Variants in LARS2 observed in about 807,000 individuals in gnomAD.
LARS2 encodes the protein leucine--tRNA ligase, mitochondrial.
Under a neutral mutation model 116.6 loss-of-function variants are expected in LARS2, and 81 were observed. That is an observed-to-expected ratio of 0.69 (90% CI 0.58 to 0.84). The LOEUF (loss-of-function observed/expected upper bound fraction) is 0.84, where lower values mean the gene tolerates loss of function less well. LARS2 is among the 40% of genes least tolerant of loss of function. The probability of loss-of-function intolerance (pLI) is 0.00; values close to 1 mark genes in which losing one functional copy is unlikely to be tolerated. For synonymous variants in LARS2, 396 were observed against 407.2 expected, an observed-to-expected ratio of 0.97 and a Z score of 0.33; for missense variants, 968 against 1,114.5, an observed-to-expected ratio of 0.87 and a Z score of 1.87.
At chr3:45,424,286 T>A (rs907868553) in intron 6 of LARS2, among the ~76,000 whole-genome samples, 4 of 152,188 alleles carry the variant, frequency 2.6e-5, no homozygotes, top group Non-Finnish European at 5.9e-5. Context: ...ACATAATACT[T>A]TAGCCTACCT....
intron 20 of LARS2, among the ~76,000 whole-genome samples, chr3:45,528,719 T>A (rs183205349): frequency 2.0e-4 from 30 of 152,356 alleles, no homozygotes; most frequent in Admixed American, 7.2e-4. Context: ...ATAATGCTTT[T>A]GAGATTAATC....
intron 4 of LARS2, among the ~76,000 whole-genome samples, chr3:45,413,226 A>G (rs975505868): frequency 7.2e-5 from 11 of 152,336 alleles, no homozygotes; most frequent in Middle Eastern, 3.4e-3. Context: ...AGGTATTAAT[A>G]TCTTCCGTCC....
chr3:45,390,261 C>T (rs1247960790), intron 1 of LARS2, among the ~76,000 whole-genome samples: 1 of 152,028 alleles, frequency 6.6e-6, no homozygotes, highest in African/African-American at 2.4e-5. Context: ...CTTTATTAAC[C>T]ATTTATATGT....
In LARS2 at chr3:45,424,132, A is replaced by G. The variant is rs1004354174; in HGVS notation, c.516+4403A>G. Among the ~76,000 whole-genome samples the G allele has an allele frequency of 5.5e-4, 76 of 138,272 alleles. 1 individual carries two copies. The highest frequency in any genetic ancestry group is 1.8e-3 in the African/African-American group (74 of 40,684). 90.7% of individuals were successfully genotyped at this position (138,272 alleles called of 152,430 possible). On this transcript the variant is annotated intron_variant, in intron 6 of 21. Coordinates refer to ENST00000645846, the MANE Select transcript of LARS2 (RefSeq NM_015340.4). ...TCTTATTCAGATTTCACCAGTTTTT[A>G]GATGTAATCATTTGTGTCTATTTGT...
intron 21 of LARS2, among the ~76,000 whole-genome samples, chr3:45,545,990 C>G (rs1700870470): frequency 6.6e-6 from 1 of 151,888 alleles, no homozygotes; most frequent in Non-Finnish European, 1.5e-5. Flanking sequence ...AGCTCAAGAT[C>G]CCACAGCTTG....
chr3:45,428,006 A>G (rs1404974864), intron 6 of LARS2, among the ~76,000 whole-genome samples: 1 of 151,686 alleles, frequency 6.6e-6, no homozygotes, highest in Non-Finnish European at 1.5e-5. Context: ...TTTTTAGTAC[A>G]GATGGGGTTT....
At chr3:45,526,414 T>G (rs1700531934) in intron 20 of LARS2, among the ~76,000 whole-genome samples, 2 of 152,130 alleles carry the variant, frequency 1.3e-5, no homozygotes, top group African/African-American at 2.4e-5. Context: ...CCTGTGCTTG[T>G]GGTGGAGGAG....
chr3:45,474,143 A>T, intron 8 of LARS2, 100 bp from the exon 9 acceptor site: 1 of 660,224 alleles, frequency 1.5e-6, no homozygotes, highest in Non-Finnish European at 2.6e-6. Context: ...GATCTTCTTT[A>T]GTGTCCCTGC....
At chr3:45,494,660 C>T (rs1357370573) in intron 13 of LARS2, among the ~76,000 whole-genome samples, 2 of 152,216 alleles carry the variant, frequency 1.3e-5, no homozygotes, top group Non-Finnish European at 2.9e-5. Flanking sequence ...AGCTAATCCC[C>T]GTCCTGTGCT....
intron 10 of LARS2, among the ~76,000 whole-genome samples, chr3:45,477,913 A>G (rs547493766): frequency 2.6e-5 from 4 of 152,274 alleles, no homozygotes; most frequent in Admixed American, 2.0e-4. Flanking sequence ...TTAGACCATT[A>G]AAGCCGGATT....
In LARS2 at chr3:45,547,452, G is replaced by A. The variant is rs1371009705; in HGVS notation, c.2634G>A (p.Arg878=). ...TTCTTCAAAGCGAGCTGGGTGTCAG[G>A]CTTTTGCAAGGACGAAGCATCAAGA... ...EFVLQSELGV[R]LLQGRSIKKS... is the part of the protein sequence containing the mutation. Residue 878 remains arginine (R), a synonymous_variant, in exon 22 of 22, where the codon AGG becomes AGA. Coordinates refer to ENST00000645846, the MANE Select transcript of LARS2 (RefSeq NM_015340.4). The A allele has an allele frequency of 6.2e-6, 10 of 1,613,734 alleles. No individual in the cohort carries two copies. The highest frequency in any genetic ancestry group is 8.5e-6 in the Non-Finnish European group (10 of 1,179,932).
intron 4 of LARS2, among the ~76,000 whole-genome samples, chr3:45,417,263 CTCAGAGGTAACTTA>C (rs1337821597): frequency 6.6e-6 from 1 of 152,060 alleles, no homozygotes; most frequent in East Asian, 1.9e-4. Context: ...AAAACACCTC[CTCAGAGGTAACTTA>C]TTGGTGCTTT....
chr3:45,520,771 A>G (rs1700440453), intron 19 of LARS2, among the ~76,000 whole-genome samples: 1 of 152,188 alleles, frequency 6.6e-6, no homozygotes, highest in African/African-American at 2.4e-5. Context: ...GCTAAGTGTG[A>G]CTACCATTTT....
At chr3:45,416,592 T>C (rs1698425727) in intron 4 of LARS2, among the ~76,000 whole-genome samples, 3 of 152,254 alleles carry the variant, frequency 2.0e-5, no homozygotes. Context: ...CTTTCTGCCA[T>C]GATTTGAATA....
chr3:45,412,369 G>A (rs955353832), intron 4 of LARS2, among the ~76,000 whole-genome samples: 1 of 151,980 alleles, frequency 6.6e-6, no homozygotes, highest in Non-Finnish European at 1.5e-5. Flanking sequence ...AAATAAGCAG[G>A]CTCCTATATA....
chr3:45,529,288 C>T (rs190319367), intron 20 of LARS2, among the ~76,000 whole-genome samples: 54 of 152,102 alleles, frequency 3.6e-4, no homozygotes, highest in African/African-American at 1.2e-3. Context: ...AAGTAGCCGC[C>T]GGGCACGGTA....
At position 45,541,936 on chromosome 3, in the gene LARS2, G is replaced by A; in HGVS notation, c.2512G>A (p.Val838Ile). The A allele has an allele frequency of 6.2e-7, 1 of 1,614,242 alleles. No homozygotes were observed. Among genetic ancestry groups the A allele is most frequent in the Non-Finnish European group, 8.5e-7 (1 of 1,180,036 alleles). ...VDPEFLQQPE[V>I]VQMAVLINNK... is the part of the protein sequence containing the mutation. ...CCCGGAGTTCCTGCAGCAGCCTGAG[G>A]TTGTCCAGATGGCAGTTCTGGTAAG... is the stretch of plus-strand genomic sequence containing the variant. Residue 838 changes from valine to isoleucine, a missense_variant, in exon 21 of 22, where the codon GTT (valine) becomes ATT (isoleucine). Val to Ile is a conservative substitution (Grantham distance 29, BLOSUM62 3). Coordinates refer to ENST00000645846, the MANE Select transcript of LARS2 (RefSeq NM_015340.4).
rs1700797061 is a variant in LARS2, at chr3:45,541,603, C to T, written c.2405-226C>T. On this transcript the variant is annotated intron_variant, in intron 20 of 21. Coordinates refer to ENST00000645846, the MANE Select transcript of LARS2 (RefSeq NM_015340.4). ...CACACTTTAGAATGGCTTATCCATCCATCTTTACAGCTCTGCGTGCCATTT... is the reference window on the plus strand; with the variant it reads ...CACACTTTAGAATGGCTTATCCATCTATCTTTACAGCTCTGCGTGCCATTT... The T allele has an allele frequency of 5.8e-5, 31 of 533,956 alleles. 1 individual carries two copies. In the South Asian group the frequency reaches 8.2e-4, roughly 14 times the overall value. 33.1% of individuals were successfully genotyped at this position (533,956 alleles called of 1,614,324 possible).
rs1243544700 is a variant in LARS2, at chr3:45,502,286, A to T, written c.1760+1707A>T. ...AAGGGGTTCTTTAAATATTCTTGAT[A>T]CTAATCCTTTTTCAGCTATATGTAT... On this transcript the variant is annotated intron_variant, in intron 15 of 21. Coordinates refer to ENST00000645846, the MANE Select transcript of LARS2 (RefSeq NM_015340.4). Among the ~76,000 whole-genome samples, 7 of 152,058 alleles carry T rather than the reference A, an allele frequency of 4.6e-5. No homozygotes were observed. In the East Asian group the frequency reaches 1.2e-3, roughly 25 times the overall value.
Sources: gnomAD v4.1 joint callset for allele counts (sites outside exome capture counted in the v4.1 genomes callset) on GRCh38, gnomAD v4.1.1 for gene constraint, MANE v1.5 for transcripts, NCBI Gene and HGNC (gene_info 2026-07-23, HGNC 2026-07-21) for gene names.